IL13RA2: variants seen among roughly 807,000 people sequenced by gnomAD.
The protein encoded by IL13RA2 is interleukin 13 receptor subunit alpha 2.
IL13RA2 carries 25 observed loss-of-function variants against 34.1 expected under a neutral mutation model. The ratio of observed to expected loss-of-function variants is 0.73; its 90% CI spans 0.53 to 1.03. The LOEUF (loss-of-function observed/expected upper bound fraction) is 1.03, where lower values mean the gene tolerates loss of function less well. Among genes scored for constraint, IL13RA2 ranks in the 50% least tolerant of loss-of-function variants. The probability of loss-of-function intolerance (pLI) is 0.00; values close to 1 mark genes in which losing one functional copy is unlikely to be tolerated. For missense variants in IL13RA2, 297 were observed against 280.9 expected (o/e 1.06, Z -0.41); for synonymous variants, 106 against 100.4 (o/e 1.06, Z -0.33).
chrX:115,009,713 T>C (rs1556508483), intron 6 of IL13RA2, 47 bp from the exon 7 acceptor site: 2 of 1,120,660 alleles, frequency 1.8e-6, no homozygotes, highest in Non-Finnish European at 2.5e-6. Context: ...TGTTGAAGTT[T>C]AGCAGTAGCC....
At chrX:115,008,662 A>T (rs2071694114) in intron 7 of IL13RA2, among the ~76,000 whole-genome samples, 1 of 112,042 alleles carries the variant, frequency 8.9e-6, no homozygotes, top group Non-Finnish European at 1.9e-5. Context: ...CTATTGCTAC[A>T]GTTATGAGAC....
At chrX:115,009,075 A>G (rs1464660067) in intron 7 of IL13RA2, among the ~76,000 whole-genome samples, 1 of 111,833 alleles carries the variant, frequency 8.9e-6, no homozygotes, top group Non-Finnish European at 1.9e-5. Flanking sequence ...TGCTGGTGGC[A>G]GTAATTAGTC....
chrX:115,016,180 A>G (rs1279388379), intron 2 of IL13RA2, among the ~76,000 whole-genome samples: 1 of 111,644 alleles, frequency 9.0e-6, no homozygotes, highest in East Asian at 2.8e-4. Flanking sequence ...TAATGGGTTT[A>G]GGGGCTGTTT....
At chrX:115,017,513 A>C in intron 1 of IL13RA2, 40 bp downstream of exon 1, 1 of 292,708 alleles carries the variant, frequency 3.4e-6, no homozygotes, top group Non-Finnish European at 5.9e-6. Context: ...GCTTACAAGA[A>C]TAAAAACAAA....
At position 115,010,750 on chromosome X, in the gene IL13RA2, G is replaced by A; in HGVS notation, c.600C>T (p.Pro200=). The change falls in exon 6 of 10, where the codon CCC becomes CCT. Residue 200 remains proline (P), a synonymous_variant. Transcript: ENST00000243213. ...CTTTATAGTCTGATGCCTCCAAATAGGGAAATCTGCATCCTATATTTTGTC... is the reference window on the plus strand; with the variant it reads ...CTTTATAGTCTGATGCCTCCAAATAAGGAAATCTGCATCCTATATTTTGTC... ...ADGQNIGCRF[P]YLEASDYKDF... 3 of 1,092,985 alleles carry A rather than the reference G, an allele frequency of 2.7e-6. No homozygotes were observed. The highest frequency in any genetic ancestry group is 3.8e-6 in the Non-Finnish European group (3 of 792,743). The allele number at this position is 1,092,985 out of a possible 1,213,427, so 90.1% of individuals were successfully genotyped here. A position where few individuals can be genotyped will look rare whatever the true frequency, so the allele number is the denominator to read the frequency against.
rs1345748339 is a variant in IL13RA2 at position 115,005,273 on chromosome X, G to A, written c.1040C>T (p.Pro347Leu). The part of the protein sequence containing the change: ...SKKTLLRFWL[P>L]FGFILILVIF... ...AACTAATATTAAGATGAAACCAAAT[G>A]GTAGCCAGAAACGTAGCAAAGTTTT... The change falls in exon 9 of 10, where the codon CCA becomes CTA. Residue 347 changes from proline (P) to leucine (L), a missense_variant. Physicochemically the swap from Pro to Leu is moderately conservative, Grantham distance 98. Transcript: ENST00000243213. 3.5e-6 allele frequency: 4 copies of A among 1,139,768 alleles called. No individual in the cohort carries two copies. In the African/African-American group the frequency reaches 7.1e-5, roughly 20 times the overall value. The allele number at this position is 1,139,768 out of a possible 1,213,427, so 93.9% of individuals were successfully genotyped here.
chrX:115,007,098 G>T (rs1464759921), intron 8 of IL13RA2, among the ~76,000 whole-genome samples: 1 of 111,880 alleles, frequency 8.9e-6, no homozygotes, highest in East Asian at 2.8e-4. Context: ...TATCTGTAAT[G>T]CTTGAAAAGA....
intron 5 of IL13RA2, among the ~76,000 whole-genome samples, chrX:115,011,360 AAAG>A (rs782254239): frequency 2.7e-5 from 3 of 112,038 alleles, no homozygotes; most frequent in East Asian, 2.8e-4. Context: ...GCAAAAGGAA[AAAG>A]AAGGAGTTGT....
At chrX:115,010,849 G>A in intron 5 of IL13RA2, 21 bp from the exon 6 acceptor site, 3 of 837,080 alleles carry the variant, frequency 3.6e-6, no homozygotes, top group Non-Finnish European at 4.9e-6. Context: ...AGTGTTGTGA[G>A]AATTGTGTTT....
At chrX:115,009,243 C>T (rs1368672451) in intron 7 of IL13RA2, among the ~76,000 whole-genome samples, 3 of 109,124 alleles carry the variant, frequency 2.7e-5, no homozygotes, top group African/African-American at 1.0e-4. Context: ...TTACTTGAGG[C>T]CTCTCCACAA....
rs782021664 is a variant in IL13RA2, at chrX:115,008,097, C to T, written c.853-21G>A. On this transcript the variant is annotated intron_variant, in intron 7 of 9. Coordinates refer to ENST00000243213, the MANE Select transcript of IL13RA2 (RefSeq NM_000640.3). ...GCAGTCTGAAAGCCAAGGACAAAAT[C>T]AGATGCCATTATTTGATCTAGTTGC... 1.4e-4 allele frequency: 157 copies of T among 1,082,806 alleles called. No individual in the cohort carries two copies. The South Asian group carries it at 2.7e-3, about 19-fold the overall frequency. 89.2% of individuals were successfully genotyped at this position (1,082,806 alleles called of 1,213,427 possible). A position where few individuals can be genotyped will look rare whatever the true frequency, so the allele number is the denominator to read the frequency against.
chrX:115,013,455 T>A (rs1386443141), intron 5 of IL13RA2, among the ~76,000 whole-genome samples: 2 of 111,516 alleles, frequency 1.8e-5, no homozygotes, highest in Non-Finnish European at 1.9e-5. Flanking sequence ...ACTGATTTTT[T>A]AAAAAAACAA....
intron 6 of IL13RA2, among the ~76,000 whole-genome samples, chrX:115,010,078 T>G (rs1556508527): frequency 9.0e-6 from 1 of 111,687 alleles, no homozygotes; most frequent in African/African-American, 3.3e-5. Context: ...ATAATCTCAT[T>G]CACGCCTCAC....
chrX:115,015,345 G>A (rs782663774), intron 3 of IL13RA2, among the ~76,000 whole-genome samples: 8 of 111,820 alleles, frequency 7.2e-5, no homozygotes, highest in Non-Finnish European at 1.5e-4. Context: ...GCATGTATAA[G>A]GCCCACATCC....
At chrX:115,010,202 C>G (rs1332205584) in intron 6 of IL13RA2, among the ~76,000 whole-genome samples, 1 of 111,070 alleles carries the variant, frequency 9.0e-6, no homozygotes, top group Non-Finnish European at 1.9e-5. Context: ...AAGATTTAAA[C>G]CCAGGTCTGG....
chrX:115,014,384 G>A, intron 4 of IL13RA2, 37 bp downstream of exon 4: 1 of 1,041,502 alleles, frequency 9.6e-7, no homozygotes, highest in Non-Finnish European at 1.3e-6. Context: ...GAATTGTTCT[G>A]ATAGTATTAA....
Position 115,004,071 on chromosome X carries a change from G to T in IL13RA2, c.*9C>A. ...GAGTCAATACCATGTCTCTTGATATGGAAAGTCTTCATGTATCACAGAAAA... is the reference window on the plus strand; with the variant it reads ...GAGTCAATACCATGTCTCTTGATATTGAAAGTCTTCATGTATCACAGAAAA... On this transcript the variant is annotated 3_prime_UTR_variant, in exon 10 of 10. Coordinates refer to ENST00000243213, the MANE Select transcript of IL13RA2 (RefSeq NM_000640.3). 9.6e-7 allele frequency: 1 copy of T among 1,037,140 alleles called. No homozygotes were observed. The highest frequency in any genetic ancestry group is 1.3e-6 in the Non-Finnish European group (1 of 742,857). The allele number at this position is 1,037,140 out of a possible 1,213,427, so 85.5% of individuals were successfully genotyped here. A position where few individuals can be genotyped will look rare whatever the true frequency, so the allele number is the denominator to read the frequency against.
intron 5 of IL13RA2, among the ~76,000 whole-genome samples, chrX:115,013,228 G>A (rs1225999511): frequency 1.8e-5 from 2 of 111,353 alleles, no homozygotes; most frequent in Non-Finnish European, 3.8e-5. Flanking sequence ...TCATCCAGGT[G>A]TGGAATGAGG....
intron 9 of IL13RA2, 89 bp from the exon 10 acceptor site, chrX:115,004,195 C>T: frequency 7.8e-6 from 4 of 513,089 alleles, no homozygotes; most frequent in South Asian, 3.1e-5. Context: ...AGCACAAGAG[C>T]ATTCAGCAAA....
Sources: gnomAD v4.1 joint callset for allele counts (sites outside exome capture counted in the v4.1 genomes callset) on GRCh38, gnomAD v4.1.1 for gene constraint, MANE v1.5 for transcripts, NCBI Gene and HGNC (gene_info 2026-07-23, HGNC 2026-07-21) for gene names.